The following CENPP variants were observed in gnomAD, a reference collection of about 807,000 sequenced individuals.
The protein encoded by CENPP is centromere protein P.
In CENPP, 24 loss-of-function variants were observed where a neutral mutation model predicts 35.6. The ratio of observed to expected loss-of-function variants is 0.67; its 90% confidence interval spans 0.49 to 0.95. CENPP has a LOEUF of 0.95. Among genes scored for constraint, CENPP ranks in the 40% least tolerant of loss-of-function variants. The pLI, the probability that CENPP is intolerant of heterozygous loss-of-function variation, is 0.00. For missense variants in CENPP, 332 were observed against 345.3 expected, an observed-to-expected ratio of 0.96 and a Z score of 0.31; for synonymous variants, 120 against 125.5, an observed-to-expected ratio of 0.96 and a Z score of 0.29.
intron 5 of CENPP, among the ~76,000 whole-genome samples, chr9:92,449,437 CAAAAAAAAAAAAAAAAAAAAAAAAAAAAA>C (rs56218626): frequency 9.1e-5 from 5 of 54,958 alleles, no homozygotes; most frequent in Non-Finnish European, 1.4e-4. Context: ...ACTCTATCTC[CAAAAAAAAAAAAAAAAAAAAAAAAAAAAA>C]AAAAAAAAAA....
At chr9:92,466,449 G>A (rs1845315626) in intron 5 of CENPP, 2 of 1,609,500 alleles carry the variant, frequency 1.2e-6, no homozygotes, top group Admixed American at 1.7e-5. Context: ...CTAATGATTT[G>A]GGAAGATTAA....
At chr9:92,544,452 G>A (rs539786245) in intron 5 of CENPP, among the ~76,000 whole-genome samples, 7 of 152,224 alleles carry the variant, frequency 4.6e-5, no homozygotes, top group African/African-American at 1.7e-4. Context: ...CTCCAGCCTG[G>A]GCAACAGAGC....
intron 5 of CENPP, among the ~76,000 whole-genome samples, chr9:92,451,245 C>A (rs1037847707): frequency 6.7e-6 from 1 of 150,234 alleles, no homozygotes; most frequent in African/African-American, 2.5e-5. Context: ...ACGTTTAAGT[C>A]TTTAATCCAT....
chr9:92,381,182 T>A (rs1842232505), intron 5 of CENPP, among the ~76,000 whole-genome samples: 1 of 152,244 alleles, frequency 6.6e-6, no homozygotes, highest in East Asian at 1.9e-4. Flanking sequence ...TCTGTTTCTA[T>A]GAATTTGACT....
At chr9:92,564,653 A>T (rs552531858) in intron 5 of CENPP, among the ~76,000 whole-genome samples, 1 of 152,358 alleles carries the variant, frequency 6.6e-6, no homozygotes, top group African/African-American at 2.4e-5. Context: ...GGATCAAAAG[A>T]GAAACCTGAG....
At chr9:92,608,992 C>G (rs188727253) in intron 5 of CENPP, among the ~76,000 whole-genome samples, 4 of 152,236 alleles carry the variant, frequency 2.6e-5, no homozygotes, top group African/African-American at 9.6e-5. Context: ...GTCCCAAGTG[C>G]TGCCGCTGAG....
intron 5 of CENPP, among the ~76,000 whole-genome samples, chr9:92,603,255 G>T (rs374069892): frequency 6.6e-6 from 1 of 152,216 alleles, no homozygotes; most frequent in East Asian, 1.9e-4. Context: ...CTGTTCACTC[G>T]GTAATGGTTT....
intron 5 of CENPP, among the ~76,000 whole-genome samples, chr9:92,598,641 GT>G (rs1454126100): frequency 1.3e-5 from 2 of 151,920 alleles, no homozygotes; most frequent in East Asian, 1.9e-4. Context: ...GGAACACACT[GT>G]TTCCTGTCTC....
intron 5 of CENPP, among the ~76,000 whole-genome samples, chr9:92,515,687 A>G (rs1326740104): frequency 1.3e-5 from 2 of 152,224 alleles, no homozygotes; most frequent in Non-Finnish European, 2.9e-5. Context: ...ATAGCAGTGA[A>G]ACCAACTTTT....
chr9:92,361,026 A>G lies in CENPP; in HGVS notation c.467+15239A>G, dbSNP rs1004347036. Among the ~76,000 whole-genome samples, 91 of 151,422 alleles carry G rather than the reference A, an allele frequency of 6.0e-4. 1 individual carries two copies. The highest frequency in any genetic ancestry group is 9.2e-4 in the Admixed American group (14 of 15,198). On this transcript the variant is annotated intron_variant, in intron 4 of 7. Transcript: ENST00000375587. ...CCGGCCATATTTATCTAGATTTTTA[A>G]TGTTTCTGCTGCTGTTCTTGATATG...
chr9:92,395,116 C>A lies in CENPP; in HGVS notation c.564+15257C>A, dbSNP rs966334479. On this transcript the variant is annotated intron_variant, in intron 5 of 7. Transcript: ENST00000375587. ...TATACGATTTTTACATATGTACACCCCCATGAAACGTTCACTACAAGTGAG... is the reference window on the plus strand; with the variant it reads ...TATACGATTTTTACATATGTACACCACCATGAAACGTTCACTACAAGTGAG... Among the ~76,000 whole-genome samples, 7 of 152,152 alleles carry A rather than the reference C, an allele frequency of 4.6e-5. No individual in the cohort carries two copies. The South Asian group carries it at 1.2e-3, about 27-fold the overall frequency.
At chr9:92,595,668 C>T (rs534130170) in intron 5 of CENPP, among the ~76,000 whole-genome samples, 14 of 151,134 alleles carry the variant, frequency 9.3e-5, no homozygotes, top group African/African-American at 2.9e-4. Flanking sequence ...TGGGTTCAAG[C>T]GATTCTCCTG....
At chr9:92,611,431 T>G in intron 6 of CENPP, 38 bp downstream of exon 6, 1 of 1,541,528 alleles carries the variant, frequency 6.5e-7, no homozygotes, top group Middle Eastern at 1.8e-4. Context: ...CCATTTCCTG[T>G]TCAAACAAGG....
chr9:92,420,699 A>G (rs531151884), intron 5 of CENPP, among the ~76,000 whole-genome samples: 9 of 151,608 alleles, frequency 5.9e-5, no homozygotes, highest in Non-Finnish European at 1.3e-4. Flanking sequence ...CTATTTTCTT[A>G]TATGTATCCC....
At chr9:92,508,471 A>G (rs1181447197) in intron 5 of CENPP, among the ~76,000 whole-genome samples, 2 of 152,212 alleles carry the variant, frequency 1.3e-5, no homozygotes, top group Non-Finnish European at 2.9e-5. Context: ...CACGTTCACA[A>G]TCAGGAGTGC....
intron 5 of CENPP, among the ~76,000 whole-genome samples, chr9:92,432,258 G>A (rs1375221101): frequency 6.6e-6 from 1 of 152,050 alleles, no homozygotes; most frequent in Non-Finnish European, 1.5e-5. Context: ...CTGGGAGGCA[G>A]AGGTTGCAGT....
chr9:92,505,520 A>T lies in CENPP; in HGVS notation c.565-105794A>T, dbSNP rs1365840702. The T allele has an allele frequency of 3.2e-6, 5 of 1,575,928 alleles. No homozygotes were observed. The African/African-American group carries it at 4.1e-5, about 13-fold the overall frequency. On this transcript the variant is annotated intron_variant, in intron 5 of 7. Transcript: ENST00000375587. ...TATAATACATTTAAAACACTAAAAA[A>T]ATATATTGTTACCTCAATAGAACCA...
rs561722414 is a variant in CENPP, at chr9:92,572,495, G to A, written c.565-38819G>A. 1.6e-4 allele frequency among the ~76,000 whole-genome samples: 25 copies of A among 152,262 alleles called. No homozygotes were observed. The South Asian group carries it at 3.3e-3, about 20-fold the overall frequency. The stretch of plus-strand genomic sequence containing the variant: ...ATGGGCTTCCCTTTGTGGGTAACCC[G>A]ACCTTTCTCTCTGGCTGCTCTTAAC... On this transcript the variant is annotated intron_variant, in intron 5 of 7. Transcript: ENST00000375587.
chr9:92,349,013 A>C (rs1026694066), intron 4 of CENPP, among the ~76,000 whole-genome samples: 1 of 152,148 alleles, frequency 6.6e-6, no homozygotes, highest in East Asian at 1.9e-4. Flanking sequence ...TGTTTAGGGT[A>C]TATTTGTGTG....
Sources: gnomAD v4.1 joint callset for allele counts (sites outside exome capture counted in the v4.1 genomes callset) on GRCh38, gnomAD v4.1.1 for gene constraint, MANE v1.5 for transcripts, NCBI Gene and HGNC (gene_info 2026-07-23, HGNC 2026-07-21) for gene names.